The following GRID2 variants were observed in gnomAD, a reference collection of about 807,000 sequenced individuals.
The protein encoded by GRID2 is glutamate receptor ionotropic, delta-2.
In GRID2, 33 loss-of-function variants were observed where a neutral mutation model predicts 114.8. The ratio of observed to expected loss-of-function variants is 0.29; its 90% CI spans 0.22 to 0.38. The LOEUF is 0.38. Ranked by LOEUF, GRID2 falls within the 10% of genes least tolerant of loss-of-function variation. The pLI, the probability that GRID2 is intolerant of heterozygous loss-of-function variation, is 1.00. For missense variants in GRID2, 1,184 were observed against 1,257.7 expected (o/e 0.94, Z 0.89); for synonymous variants, 505 against 449.9 (o/e 1.12, Z -1.55).
rs189819154 is a variant in GRID2 at position 92,831,402 on chromosome 4, C to T, written c.244+241116C>T. Among the ~76,000 whole-genome samples the T allele has an allele frequency of 1.6e-3, 238 of 151,366 alleles. 1 individual carries two copies. Among genetic ancestry groups the T allele is most frequent in the African/African-American group, 5.1e-3 (212 of 41,304 alleles). Reference sequence around the variant, plus strand: ...AAGGTAATGTACAACTCAACAAAAACGTGAGCTAAATGATTGGAGATCCAG... The same window carrying T: ...AAGGTAATGTACAACTCAACAAAAATGTGAGCTAAATGATTGGAGATCCAG... On this transcript the variant is annotated intron_variant, in intron 2 of 15. Transcript: ENST00000282020.
intron 9 of GRID2, among the ~76,000 whole-genome samples, chr4:93,416,469 A>G (rs1380461940): frequency 1.3e-5 from 2 of 152,026 alleles, no homozygotes; most frequent in East Asian, 1.9e-4. Flanking sequence ...TTTGAGCTAC[A>G]TATGTGAGCA....
chr4:93,108,713 C>A (rs1732486464), intron 3 of GRID2, among the ~76,000 whole-genome samples: 1 of 151,708 alleles, frequency 6.6e-6, no homozygotes, highest in African/African-American at 2.4e-5. Context: ...TCACTGCAAC[C>A]TCCACCTCCC....
At chr4:93,562,898 G>A (rs6818515) in intron 13 of GRID2, among the ~76,000 whole-genome samples, 48,478 of 151,738 alleles carry the variant, frequency 0.32, 8,587 homozygotes, top group African/African-American at 0.46. Flanking sequence ...CTCTCTGTGC[G>A]TTCTTTTGCC....
At chr4:92,718,438 A>G (rs1046061765) in intron 2 of GRID2, among the ~76,000 whole-genome samples, 1 of 152,074 alleles carries the variant, frequency 6.6e-6, no homozygotes. Context: ...GTTTATTTAT[A>G]GATGCACACA....
chr4:93,414,653 C>G (rs1767524534), intron 9 of GRID2, among the ~76,000 whole-genome samples: 1 of 149,384 alleles, frequency 6.7e-6, no homozygotes, highest in Non-Finnish European at 1.5e-5. Flanking sequence ...TTTAATTTCT[C>G]TTCACAGCAC....
At chr4:93,035,614 A>G (rs1328925708) in intron 2 of GRID2, among the ~76,000 whole-genome samples, 1 of 152,102 alleles carries the variant, frequency 6.6e-6, no homozygotes, top group Non-Finnish European at 1.5e-5. Flanking sequence ...CTAGGCTACT[A>G]TCCTCTCAAG....
At chr4:93,564,993 A>T (rs1735268107) in intron 13 of GRID2, among the ~76,000 whole-genome samples, 1 of 152,120 alleles carries the variant, frequency 6.6e-6, no homozygotes, top group Non-Finnish European at 1.5e-5. Flanking sequence ...TGCATTTTAC[A>T]AAAAGAAATA....
chr4:92,926,603 T>G (rs940946723), intron 2 of GRID2, among the ~76,000 whole-genome samples: 2 of 152,122 alleles, frequency 1.3e-5, no homozygotes, highest in African/African-American at 4.8e-5. Context: ...AAATAAATGA[T>G]TATTTATTTG....
At chr4:92,754,144 G>A (rs1392877745) in intron 2 of GRID2, among the ~76,000 whole-genome samples, 1 of 152,182 alleles carries the variant, frequency 6.6e-6, no homozygotes, top group Non-Finnish European at 1.5e-5. Flanking sequence ...ACTTGCCTTA[G>A]GAAGGGCATG....
intron 2 of GRID2, among the ~76,000 whole-genome samples, chr4:92,687,915 T>G (rs1733993326): frequency 1.3e-5 from 2 of 151,926 alleles, no homozygotes; most frequent in Non-Finnish European, 2.9e-5. Flanking sequence ...TGGAGGGTCA[T>G]GCCTCGATGT....
intron 13 of GRID2, among the ~76,000 whole-genome samples, chr4:93,602,020 A>G (rs894763754): frequency 6.6e-6 from 1 of 152,214 alleles, no homozygotes; most frequent in Non-Finnish European, 1.5e-5. Flanking sequence ...TTTTCATAAC[A>G]TGACAAAGTT....
intron 2 of GRID2, among the ~76,000 whole-genome samples, chr4:92,739,045 T>C (rs1257790184): frequency 6.6e-6 from 1 of 152,144 alleles, no homozygotes; most frequent in Non-Finnish European, 1.5e-5. Flanking sequence ...AAAACAGATA[T>C]TCGAAGAACA....
intron 2 of GRID2, among the ~76,000 whole-genome samples, chr4:92,677,818 C>A (rs1733451948): frequency 6.6e-6 from 1 of 152,124 alleles, no homozygotes; most frequent in African/African-American, 2.4e-5. Flanking sequence ...TAATAGCTTT[C>A]TACCTGATTT....
chr4:93,378,299 G>A (rs932976315), intron 8 of GRID2, among the ~76,000 whole-genome samples: 1 of 151,998 alleles, frequency 6.6e-6, no homozygotes, highest in Non-Finnish European at 1.5e-5. Context: ...ATAAAGTAAT[G>A]CAGCTAATAT....
At chr4:92,974,892 T>C (rs1177255734) in intron 2 of GRID2, among the ~76,000 whole-genome samples, 1 of 151,818 alleles carries the variant, frequency 6.6e-6, no homozygotes, top group African/African-American at 2.4e-5. Context: ...GAGCGGCGGC[T>C]CACGCCTGTA....
intron 8 of GRID2, among the ~76,000 whole-genome samples, chr4:93,370,170 A>G (rs1762727810): frequency 6.6e-6 from 1 of 151,936 alleles, no homozygotes; most frequent in Non-Finnish European, 1.5e-5. Flanking sequence ...CTCCTTCCAT[A>G]CAAACAGTAG....
At chr4:92,763,081 CT>C (rs1311523575) in intron 2 of GRID2, among the ~76,000 whole-genome samples, 1 of 151,964 alleles carries the variant, frequency 6.6e-6, no homozygotes, top group South Asian at 2.1e-4. Context: ...ACTGCCAAGA[CT>C]TTTTTTTACC....
At chr4:92,489,756 G>T (rs1723065854) in intron 1 of GRID2, among the ~76,000 whole-genome samples, 1 of 151,342 alleles carries the variant, frequency 6.6e-6, no homozygotes, top group East Asian at 2.0e-4. Flanking sequence ...TGAGGCAGGA[G>T]AATCACATGA....
At chr4:92,988,353 G>A (rs943902647) in intron 2 of GRID2, among the ~76,000 whole-genome samples, 2 of 152,142 alleles carry the variant, frequency 1.3e-5, no homozygotes, top group African/African-American at 4.8e-5. Flanking sequence ...GAAAACCAGT[G>A]TGAATCGCTC....
Sources: gnomAD v4.1 joint callset for allele counts (sites outside exome capture counted in the v4.1 genomes callset) on GRCh38, gnomAD v4.1.1 for gene constraint, MANE v1.5 for transcripts, NCBI Gene and HGNC (gene_info 2026-07-23, HGNC 2026-07-21) for gene names.